The following UROC1 variants were observed in gnomAD, a reference collection of about 807,000 sequenced individuals.
UROC1 encodes the protein urocanate hydratase.
A neutral mutation model predicts 89.5 loss-of-function variants in UROC1; 79 were observed. That is an observed-to-expected ratio of 0.88 (90% CI 0.74 to 1.06). The LOEUF is 1.06. Among genes scored for constraint, UROC1 ranks in the 50% least tolerant of loss-of-function variants. The pLI, the probability that UROC1 is intolerant of heterozygous loss-of-function variation, is 0.00. For synonymous variants in UROC1, 361 were observed against 354.8 expected (o/e 1.02, Z -0.20); for missense variants, 885 against 907.8 (o/e 0.97, Z 0.32).
chr3:126,504,223 C>A, intron 8 of UROC1, 140 bp from the exon 9 acceptor site: 1 of 795,944 alleles, frequency 1.3e-6, no homozygotes, highest in African/African-American at 1.7e-5. Context: ...GGGAAGACAC[C>A]ATGAGCTGCC....
In UROC1 at chr3:126,509,696, A is replaced by G. The variant is rs1475132803; in HGVS notation, c.258-18T>C. Reference sequence around the variant, plus strand: ...GGTAGGCCCTGCAAGGGAAAGCCCAACCACCAGGCTGCCCTTCCCGCCAAA... The same window carrying G: ...GGTAGGCCCTGCAAGGGAAAGCCCAGCCACCAGGCTGCCCTTCCCGCCAAA... On this transcript the variant is annotated intron_variant, in intron 2 of 19. Coordinates refer to ENST00000290868, the MANE Select transcript of UROC1 (RefSeq NM_144639.3). The G allele has an allele frequency of 6.5e-7, 1 of 1,550,216 alleles. No individual in the cohort carries two copies. Among genetic ancestry groups the G allele is most frequent in the South Asian group, 1.2e-5 (1 of 84,042 alleles).
At chr3:126,496,180 G>A in intron 14 of UROC1, 72 bp from the exon 15 acceptor site, 5 of 1,481,672 alleles carry the variant, frequency 3.4e-6, no homozygotes, top group Non-Finnish European at 3.7e-6. Context: ...AGGCTGCTCA[G>A]CTCAGCACAG....
At chr3:126,493,400 G>A (rs1234756516) in intron 15 of UROC1, among the ~76,000 whole-genome samples, 13 of 152,330 alleles carry the variant, frequency 8.5e-5, no homozygotes, top group African/African-American at 2.9e-4. Flanking sequence ...TGAACCAAAC[G>A]TGGTCTGTCC....
chr3:126,491,375 C>G (rs1011799214), intron 16 of UROC1, among the ~76,000 whole-genome samples: 12 of 152,266 alleles, frequency 7.9e-5, no homozygotes, highest in African/African-American at 2.9e-4. Flanking sequence ...TGGCCATGCT[C>G]AGCCAAGCAC....
intron 3 of UROC1, 52 bp downstream of exon 3, chr3:126,509,533 C>T (rs937202229): frequency 1.5e-5 from 22 of 1,453,966 alleles, no homozygotes; most frequent in South Asian, 2.4e-5. Context: ...ACGTGTGTCT[C>T]GTGTTCTGTT....
chr3:126,512,664 A>G (rs1489022787), intron 1 of UROC1, among the ~76,000 whole-genome samples: 1 of 152,176 alleles, frequency 6.6e-6, no homozygotes, highest in Non-Finnish European at 1.5e-5. Context: ...TTGAGGTTAC[A>G]GTGACCTATG....
rs1333397264 is a variant in UROC1 at position 126,517,592 on chromosome 3, A to G, written c.126+2T>C. The G allele has an allele frequency of 6.2e-7, 1 of 1,612,132 alleles. No homozygotes were observed. The highest frequency in any genetic ancestry group is 1.3e-5 in the African/African-American group (1 of 74,830). The stretch of plus-strand genomic sequence containing the variant: ...CCTCGGGAGCACGGGCCCACTGCTT[A>G]CCTGTTTCTCCACAGGGCTGAGGCT... On this transcript the variant is annotated splice_donor_variant, in intron 1 of 19. Coordinates refer to ENST00000290868, the MANE Select transcript of UROC1 (RefSeq NM_144639.3). LOFTEE classifies it high-confidence loss of function.
intron 9 of UROC1, among the ~76,000 whole-genome samples, chr3:126,502,376 ATG>A (rs1393493341): frequency 6.7e-6 from 1 of 149,228 alleles, no homozygotes; most frequent in Non-Finnish European, 1.5e-5. Flanking sequence ...GTTTGTGTAC[ATG>A]TGTTTACATG....
intron 6 of UROC1, among the ~76,000 whole-genome samples, 163 bp downstream of exon 6, chr3:126,507,579 C>T (rs940541045): frequency 3.3e-5 from 5 of 152,174 alleles, no homozygotes; most frequent in African/African-American, 7.2e-5. Context: ...AATTTGTAAG[C>T]ATATACATAA....
At position 126,489,379 on chromosome 3, in the gene UROC1, T is replaced by C; in HGVS notation, c.1609-4A>G. 6.2e-7 allele frequency: 1 copy of C among 1,611,058 alleles called. No individual in the cohort carries two copies. Among genetic ancestry groups the C allele is most frequent in the Admixed American group, 1.7e-5 (1 of 60,020 alleles). ...CTCGGCTCAGGACCACCGGCGCCTGTGCATGGAAGGACAGAAGCTGTCAGC... is the reference window on the plus strand; with the variant it reads ...CTCGGCTCAGGACCACCGGCGCCTGCGCATGGAAGGACAGAAGCTGTCAGC... On this transcript the variant is annotated splice_region_variant and splice_polypyrimidine_tract_variant and intron_variant, in intron 16 of 19. Coordinates refer to ENST00000290868, the MANE Select transcript of UROC1 (RefSeq NM_144639.3).
Position 126,504,047 on chromosome 3 carries a change from C to T in UROC1, c.850G>A (p.Gly284Ser), listed in dbSNP as rs769902998. The change falls in exon 9 of 20, where the codon GGC (glycine) becomes AGC (serine). Residue 284 changes from glycine to serine, a missense_variant. By Grantham distance (56) the Gly-to-Ser change is moderately conservative. Transcript: ENST00000290868. Reference protein sequence around the residue: ...KAALEKRHRQGWLMEVTDSLD... With the variant: ...KAALEKRHRQSWLMEVTDSLD... ...CTGTCAGTCACTTCCATCAGCCAGC[C>T]CTGCCTGTGGCGTTTCTCAAGGGCT... The T allele has an allele frequency of 5.0e-6, 8 of 1,613,924 alleles. No homozygotes were observed. In the South Asian group the frequency reaches 7.7e-5, roughly 16 times the overall value.
intron 8 of UROC1, among the ~76,000 whole-genome samples, chr3:126,504,497 G>A (rs916196453): frequency 6.6e-6 from 1 of 152,190 alleles, no homozygotes; most frequent in Non-Finnish European, 1.5e-5. Context: ...TTCCTGCCTT[G>A]AACATGGATA....
chr3:126,489,176 G>T, intron 17 of UROC1, 100 bp downstream of exon 17: 1 of 1,182,556 alleles, frequency 8.5e-7, no homozygotes, highest in Non-Finnish European at 1.2e-6. Flanking sequence ...CCTCTCAGGT[G>T]CCAGAACATC....
rs1280921560 is a variant in UROC1 at position 126,481,213 on chromosome 3, G to GC, written c.*1131dup. 3.3e-5 allele frequency: 5 copies of GC among 151,978 alleles called. No homozygotes were observed. The highest frequency in any genetic ancestry group is 5.9e-5 in the Non-Finnish European group (4 of 67,998). 9.4% of individuals were successfully genotyped at this position (151,978 alleles called of 1,614,324 possible). ...AAAACGACGGCTCTCAAGAAGCCCTGCCCCACAGACCCCACCCTCATCTCG... is the reference window on the plus strand; with the variant it reads ...AAAACGACGGCTCTCAAGAAGCCCTGCCCCCACAGACCCCACCCTCATCTCG... On this transcript the variant is annotated 3_prime_UTR_variant, in exon 20 of 20. Transcript: ENST00000290868.
At chr3:126,507,862 C>A in intron 5 of UROC1, 59 bp from the exon 6 acceptor site, 1 of 1,613,310 alleles carries the variant, frequency 6.2e-7, no homozygotes, top group Non-Finnish European at 8.5e-7. Context: ...GAGCACAGAG[C>A]CCTGGGGATG....
In UROC1 at chr3:126,492,408, G is replaced by T; in HGVS notation, c.1608+10C>A. On this transcript the variant is annotated intron_variant, in intron 16 of 19. Transcript: ENST00000290868. ...GAGGGATGCTTCCCCCAGAGCACAG[G>T]ACACCTCACCTTGATCCTCCTGCAG... 12 of 1,612,408 alleles carry T rather than the reference G, an allele frequency of 7.4e-6. No homozygotes were observed. Among genetic ancestry groups the T allele is most frequent in the Non-Finnish European group, 1.0e-5 (12 of 1,179,214 alleles).
chr3:126,488,081 G>T, intron 18 of UROC1, 117 bp downstream of exon 18: 1 of 1,084,238 alleles, frequency 9.2e-7, no homozygotes, highest in Non-Finnish European at 1.4e-6. Flanking sequence ...GTGAGGGCAG[G>T]GGAGGTGACC....
intron 9 of UROC1, among the ~76,000 whole-genome samples, chr3:126,502,470 T>C (rs1015117840): frequency 6.6e-6 from 1 of 152,100 alleles, no homozygotes; most frequent in African/African-American, 2.4e-5. Flanking sequence ...TGTGTGTGCA[T>C]GTGTGTGCAT....
intron 1 of UROC1, 49 bp downstream of exon 1, chr3:126,517,545 G>A: frequency 6.2e-7 from 1 of 1,612,214 alleles, no homozygotes; most frequent in Admixed American, 1.7e-5. Context: ...TGGACCACCT[G>A]GAGGATGCCT....
Sources: gnomAD v4.1 joint callset for allele counts (sites outside exome capture counted in the v4.1 genomes callset) on GRCh38, gnomAD v4.1.1 for gene constraint, MANE v1.5 for transcripts, NCBI Gene and HGNC (gene_info 2026-07-23, HGNC 2026-07-21) for gene names.